Variants in DCST1 observed in about 807,000 individuals in gnomAD.
The protein encoded by DCST1 is E3 ubiquitin-protein ligase DCST1.
DCST1 carries 78 observed loss-of-function variants against 89.1 expected under a neutral mutation model. That is an observed-to-expected ratio of 0.88 (90% CI 0.73 to 1.06). The LOEUF is 1.06. Among genes scored for constraint, DCST1 ranks in the 50% least tolerant of loss-of-function variants. The pLI is 0.00. For synonymous variants in DCST1, 364 were observed against 371.9 expected, an observed-to-expected ratio of 0.98 and a Z score of 0.24; for missense variants, 900 against 928.6, an observed-to-expected ratio of 0.97 and a Z score of 0.40.
intron 4 of DCST1, 79 bp from the exon 5 acceptor site, chr1:155,039,324 A>C: frequency 1.4e-6 from 2 of 1,441,570 alleles, no homozygotes; most frequent in Non-Finnish European, 1.8e-6. Context: ...GGGGTGTTGC[A>C]GGTGGGTGCT....
In DCST1 at chr1:155,050,881, C is replaced by G; in HGVS notation, c.*13C>G. 4.4e-6 allele frequency: 7 copies of G among 1,605,656 alleles called. No homozygotes were observed. Among genetic ancestry groups the G allele is most frequent in the Non-Finnish European group, 6.0e-6 (7 of 1,173,800 alleles). On this transcript the variant is annotated 3_prime_UTR_variant, in exon 17 of 17. Coordinates refer to ENST00000295542, the MANE Select transcript of DCST1 (RefSeq NM_152494.4). ...CTACGCGGGGTGAAGAGGCGTCCTGCTCGCTCTTCCGCACCGTCCTTCCCG... is the reference window on the plus strand; with the variant it reads ...CTACGCGGGGTGAAGAGGCGTCCTGGTCGCTCTTCCGCACCGTCCTTCCCG...
intron 13 of DCST1, among the ~76,000 whole-genome samples, chr1:155,046,883 G>A (rs1660659381): frequency 6.6e-6 from 1 of 152,104 alleles, no homozygotes; most frequent in African/African-American, 2.4e-5. Context: ...TGGGATTACA[G>A]GTGTGTGCCA....
chr1:155,039,424 G>A lies in DCST1; in HGVS notation c.284G>A (p.Gly95Glu). The change falls in exon 5 of 17, where the codon GGG (glycine) becomes GAG (glutamate). Residue 95 changes from glycine (G) to glutamate (E), a missense_variant. Transcript: ENST00000295542. ...ACAGGCTTGGGGGCCATGGGCTGGG[G>A]GACCTCCCCTCACATCCGCTGTGCC... is the stretch of plus-strand genomic sequence containing the variant. ...SLVGLGAMGWGTSPHIRCASL... is the reference protein window; with the variant it reads ...SLVGLGAMGWETSPHIRCASL... 3 of 1,593,678 alleles carry A rather than the reference G, an allele frequency of 1.9e-6. No individual in the cohort carries two copies. The highest frequency in any genetic ancestry group is 1.7e-5 in the Admixed American group (1 of 57,992).
Position 155,043,436 on chromosome 1 carries a change from GA to G in DCST1, c.1100del (p.Glu367GlyfsTer87). On this transcript the variant is annotated frameshift_variant, in exon 10 of 17. Transcript: ENST00000295542. LOFTEE classifies it high-confidence loss of function. Reference sequence around the variant, plus strand: ...GGTGCGGGACTACGTGTACCGCCAGGAGGCCCGGCTGGAGTGGGCCCTGGGG... The same window carrying G: ...GGTGCGGGACTACGTGTACCGCCAGGGGCCCGGCTGGAGTGGGCCCTGGGG... The part of the protein sequence containing the change: ...TEVRDYVYRQ[E>X]ARLEWALGLL... The G allele has an allele frequency of 1.2e-6, 2 of 1,613,514 alleles. No individual in the cohort carries two copies. The highest frequency in any genetic ancestry group is 1.7e-6 in the Non-Finnish European group (2 of 1,179,792).
chr1:155,039,050 T>C (rs190079632), intron 4 of DCST1, among the ~76,000 whole-genome samples: 70 of 152,308 alleles, frequency 4.6e-4, no homozygotes, highest in Middle Eastern at 3.4e-3. Context: ...TTCCAGATAT[T>C]TTCTCTTGCT....
chr1:155,041,919 C>A (rs1046049346), intron 8 of DCST1, 62 bp downstream of exon 8: 18 of 1,599,824 alleles, frequency 1.1e-5, no homozygotes, highest in Non-Finnish European at 1.5e-5. Context: ...TTGGGACCCA[C>A]TGGTAGGTGA....
intron 2 of DCST1, 51 bp from the exon 3 acceptor site, chr1:155,034,384 C>A: frequency 6.2e-7 from 1 of 1,613,032 alleles, no homozygotes. Context: ...CCTAATGAGC[C>A]CCATCCCAGG....
At position 155,041,859 on chromosome 1, in the gene DCST1, T is replaced by C. The variant is rs1216755150; in HGVS notation, c.892+2T>C. 1 of 1,614,136 alleles carries C rather than the reference T, an allele frequency of 6.2e-7. No individual in the cohort carries two copies. The highest frequency in any genetic ancestry group is 1.1e-5 in the South Asian group (1 of 91,086). Reference sequence around the variant, plus strand: ...AGTTCTTCTGTGGCATTGCCAAGGGTCTGCACAGTTGCAAAGGGGTGGGGA... The same window carrying C: ...AGTTCTTCTGTGGCATTGCCAAGGGCCTGCACAGTTGCAAAGGGGTGGGGA... On this transcript the variant is annotated splice_donor_variant, in intron 8 of 16. Coordinates refer to ENST00000295542, the MANE Select transcript of DCST1 (RefSeq NM_152494.4). LOFTEE classifies it high-confidence loss of function.
intron 10 of DCST1, among the ~76,000 whole-genome samples, chr1:155,043,732 C>T (rs556265732): frequency 6.6e-6 from 1 of 152,224 alleles, no homozygotes; most frequent in African/African-American, 2.4e-5. Flanking sequence ...CGTCTTCATT[C>T]ATCCACCTCC....
chr1:155,035,352 G>A (rs1468007158), intron 4 of DCST1: 2 of 152,940 alleles, frequency 1.3e-5, no homozygotes, highest in Non-Finnish European at 2.9e-5. Context: ...AGTAGAGACG[G>A]GGTTTCTGTA....
chr1:155,050,802 G>A lies in DCST1; in HGVS notation c.2055G>A (p.Thr685=). The A allele has an allele frequency of 6.2e-7, 1 of 1,612,048 alleles. No individual in the cohort carries two copies. Among genetic ancestry groups the A allele is most frequent in the Non-Finnish European group, 8.5e-7 (1 of 1,179,260 alleles). The change falls in exon 17 of 17, where the codon ACG becomes ACA. Residue 685 remains threonine (T), a synonymous_variant. Transcript: ENST00000295542. ...DDMRQRCPVC[T]PREELSSSAF... ...TGCGGCAGCGGTGCCCGGTCTGCAC[G>A]CCCCGCGAAGAGCTCTCTTCCTCCG...
Position 155,050,710 on chromosome 1 carries a change from C to G in DCST1, c.1963C>G (p.Pro655Ala). The G allele has an allele frequency of 1.2e-6, 2 of 1,608,362 alleles. No individual in the cohort carries two copies. Among genetic ancestry groups the G allele is most frequent in the Non-Finnish European group, 1.7e-6 (2 of 1,178,056 alleles). The change falls in exon 17 of 17, where the codon CCC becomes GCC. Residue 655 changes from proline to alanine, a missense_variant. Coordinates refer to ENST00000295542, the MANE Select transcript of DCST1 (RefSeq NM_152494.4). The part of the protein sequence containing the change: ...RCVVCQAPET[P>A]ESYVCRTLDC... Reference sequence around the variant, plus strand: ...CGTGGTGTGCCAGGCACCCGAGACGCCCGAGTCCTACGTGTGCCGGACGCT... The same window carrying G: ...CGTGGTGTGCCAGGCACCCGAGACGGCCGAGTCCTACGTGTGCCGGACGCT...
intron 4 of DCST1, among the ~76,000 whole-genome samples, chr1:155,038,095 C>G (rs1660326791): frequency 6.6e-6 from 1 of 152,228 alleles, no homozygotes; most frequent in South Asian, 2.1e-4. Flanking sequence ...TGCCACAAAC[C>G]TGAATGACTA....
intron 10 of DCST1, 23 bp downstream of exon 10, chr1:155,043,532 G>A (rs769856553): frequency 6.4e-7 from 1 of 1,553,678 alleles, no homozygotes; most frequent in Non-Finnish European, 8.7e-7. Flanking sequence ...CCCCACCCCA[G>A]CAGCCCCTCC....
In DCST1 at chr1:155,047,880, C is replaced by A; in HGVS notation, c.1706C>A (p.Ala569Asp). The stretch of plus-strand genomic sequence containing the variant: ...TTAGTGTGTCTCTGCCTGTTACAGG[C>A]TTTTGGCTACCGACTCCGGAGGGTC... ...GLLVCLCLLQ[A>D]FGYRLRRVIA... The change falls in exon 15 of 17, where the codon GCT becomes GAT. Residue 569 changes from alanine (A) to aspartate (D), a missense_variant. By Grantham distance (126) the Ala-to-Asp change is moderately radical. Transcript: ENST00000295542. 1 of 1,614,180 alleles carries A rather than the reference C, an allele frequency of 6.2e-7. No individual in the cohort carries two copies. Among genetic ancestry groups the A allele is most frequent in the Non-Finnish European group, 8.5e-7 (1 of 1,180,038 alleles).
Position 155,047,230 on chromosome 1 carries a change from C to T in DCST1, c.1530C>T (p.Asp510=). ...SHKLEVKVGG[D]SMLARLLRKT... Reference sequence around the variant, plus strand: ...AACTGGAGGTGAAGGTCGGGGGAGACTCCATGCTAGCCCGGCTTCTTCGAA... The same window carrying T: ...AACTGGAGGTGAAGGTCGGGGGAGATTCCATGCTAGCCCGGCTTCTTCGAA... The change falls in exon 14 of 17, where the codon GAC becomes GAT. Residue 510 remains aspartate (D), a synonymous_variant. Coordinates refer to ENST00000295542, the MANE Select transcript of DCST1 (RefSeq NM_152494.4). 1 of 1,614,252 alleles carries T rather than the reference C, an allele frequency of 6.2e-7. No individual in the cohort carries two copies. Among genetic ancestry groups the T allele is most frequent in the Non-Finnish European group, 8.5e-7 (1 of 1,180,052 alleles).
intron 5 of DCST1, among the ~76,000 whole-genome samples, chr1:155,040,105 A>G (rs551183389): frequency 6.7e-6 from 1 of 150,016 alleles, no homozygotes; most frequent in African/African-American, 2.4e-5. Context: ...GTTCGACACC[A>G]GCCTGACCAA....
intron 6 of DCST1, 33 bp downstream of exon 6, chr1:155,040,657 TC>T: frequency 6.6e-7 from 1 of 1,525,104 alleles, no homozygotes; most frequent in Non-Finnish European, 8.8e-7. Flanking sequence ...GCCTGGGGGG[TC>T]CCTCTCCCTG....
chr1:155,050,421 G>A, intron 16 of DCST1, 196 bp from the exon 17 acceptor site: 1 of 648,338 alleles, frequency 1.5e-6, no homozygotes, highest in East Asian at 2.8e-5. Flanking sequence ...GAGCCTGGAG[G>A]GTGCATCCTC....
Sources: allele counts gnomAD v4.1 joint callset (sites outside exome capture counted in the v4.1 genomes callset), GRCh38; gene constraint gnomAD v4.1.1; transcripts MANE v1.5; gene names NCBI Gene and HGNC (gene_info 2026-07-23, HGNC 2026-07-21).